SEMA3E: variants seen among roughly 807,000 people sequenced by gnomAD.
SEMA3E encodes the protein semaphorin 3E.
SEMA3E carries 49 observed loss-of-function variants against 93.6 expected under a neutral mutation model. The observed-to-expected ratio is 0.52, with a 90% confidence interval of 0.42 to 0.66. The LOEUF (loss-of-function observed/expected upper bound fraction) is 0.66, where lower values mean the gene tolerates loss of function less well. Among genes scored for constraint, SEMA3E ranks in the 30% least tolerant of loss-of-function variants. SEMA3E has a pLI of 0.00. For synonymous variants in SEMA3E, 363 were observed against 330.7 expected (o/e 1.10, Z -1.06); for missense variants, 906 against 964.8 (o/e 0.94, Z 0.81).
intron 1 of SEMA3E, among the ~76,000 whole-genome samples, chr7:83,631,708 C>T (rs144986934): frequency 0.011 from 1,606 of 152,250 alleles, 77 homozygotes; most frequent in Admixed American, 0.087. Context: ...GAGGGTTTTC[C>T]TTAACTTCAG....
At chr7:83,457,743 C>T (rs1262696734) in intron 4 of SEMA3E, among the ~76,000 whole-genome samples, 4 of 152,132 alleles carry the variant, frequency 2.6e-5, no homozygotes, top group South Asian at 2.1e-4. Context: ...CTGTTCAAAA[C>T]TCCATCGTCT....
At chr7:83,397,777 T>C (rs1202021177) in intron 11 of SEMA3E, among the ~76,000 whole-genome samples, 4 of 152,280 alleles carry the variant, frequency 2.6e-5, no homozygotes, top group South Asian at 4.1e-4. Flanking sequence ...AGAGTTTCTA[T>C]GCTATTTCAG....
At chr7:83,381,753 A>G (rs1028919075) in intron 16 of SEMA3E, among the ~76,000 whole-genome samples, 1 of 151,980 alleles carries the variant, frequency 6.6e-6, no homozygotes, top group South Asian at 2.1e-4. Flanking sequence ...TTATATCTAC[A>G]TAGGCTCAAA....
intron 1 of SEMA3E, among the ~76,000 whole-genome samples, chr7:83,583,436 T>G (rs1792555622): frequency 6.6e-6 from 1 of 152,138 alleles, no homozygotes; most frequent in Non-Finnish European, 1.5e-5. Flanking sequence ...GTATCAAAAT[T>G]AACTGTGAAT....
chr7:83,495,902 A>G (rs998341247), intron 1 of SEMA3E, among the ~76,000 whole-genome samples: 7 of 151,956 alleles, frequency 4.6e-5, no homozygotes, highest in African/African-American at 1.2e-4. Context: ...ATGAAATTAT[A>G]TAAGTAAAAG....
intron 16 of SEMA3E, chr7:83,372,930 C>G (rs867788124): frequency 2.0e-5 from 3 of 152,056 alleles, no homozygotes; most frequent in Non-Finnish European, 4.4e-5. Flanking sequence ...ACTTGGGTAC[C>G]TCCAACATCA....
intron 1 of SEMA3E, among the ~76,000 whole-genome samples, chr7:83,530,320 A>G (rs976628064): frequency 6.6e-6 from 1 of 152,242 alleles, no homozygotes; most frequent in African/African-American, 2.4e-5. Context: ...GTAGCAGAAC[A>G]TAAATCAAGT....
At chr7:83,466,454 A>T (rs1217546065) in intron 4 of SEMA3E, 28 bp downstream of exon 4, 25 of 1,612,958 alleles carry the variant, frequency 1.5e-5, no homozygotes, top group Non-Finnish European at 2.0e-5. Flanking sequence ...CATTGTTTTT[A>T]TTGACAGCAA....
intron 5 of SEMA3E, among the ~76,000 whole-genome samples, chr7:83,417,877 C>A (rs890662292): frequency 6.6e-6 from 1 of 152,020 alleles, no homozygotes; most frequent in African/African-American, 2.4e-5. Flanking sequence ...ATAGGTTGAG[C>A]GGATCAACTT....
chr7:83,583,741 G>A (rs1448063665), intron 1 of SEMA3E, among the ~76,000 whole-genome samples: 2 of 152,112 alleles, frequency 1.3e-5, no homozygotes, highest in African/African-American at 4.8e-5. Context: ...AAGAAATTTG[G>A]CTGGAGGATT....
At chr7:83,386,269 G>C (rs189878105) in intron 15 of SEMA3E, among the ~76,000 whole-genome samples, 58 of 152,172 alleles carry the variant, frequency 3.8e-4, no homozygotes, top group African/African-American at 1.3e-3. Context: ...CTGGAGCACA[G>C]TCTCTGGCTC....
chr7:83,455,748 A>G (rs1233242306), intron 4 of SEMA3E, among the ~76,000 whole-genome samples: 1 of 152,266 alleles, frequency 6.6e-6, no homozygotes, highest in African/African-American at 2.4e-5. Flanking sequence ...TAGAAGAAGT[A>G]TGCAGCCATG....
chr7:83,590,945 G>A (rs1299960862), intron 1 of SEMA3E, among the ~76,000 whole-genome samples: 1 of 151,952 alleles, frequency 6.6e-6, no homozygotes, highest in African/African-American at 2.4e-5. Context: ...AAAACATGAA[G>A]GAAAATGTTT....
chr7:83,546,176 C>T (rs945505370), intron 1 of SEMA3E, among the ~76,000 whole-genome samples: 1 of 149,076 alleles, frequency 6.7e-6, no homozygotes, highest in Non-Finnish European at 1.5e-5. Flanking sequence ...TTATCTATAC[C>T]AGTATCTTAT....
chr7:83,599,384 G>A (rs535308158), intron 1 of SEMA3E, among the ~76,000 whole-genome samples: 1 of 152,272 alleles, frequency 6.6e-6, no homozygotes, highest in African/African-American at 2.4e-5. Context: ...ATAAGACACA[G>A]GAGAGAAGTA....
intron 1 of SEMA3E, among the ~76,000 whole-genome samples, chr7:83,521,149 C>G: frequency 6.6e-6 from 1 of 151,536 alleles, no homozygotes; most frequent in East Asian, 1.9e-4. Flanking sequence ...TTTATGGGGA[C>G]CTCTGTAGGA....
chr7:83,464,883 G>A (rs1199469046), intron 4 of SEMA3E, among the ~76,000 whole-genome samples: 3 of 149,140 alleles, frequency 2.0e-5, no homozygotes, highest in East Asian at 2.0e-4. Flanking sequence ...AATTTTCGCC[G>A]CCCCAACACT....
At chr7:83,593,990 C>A (rs1429936867) in intron 1 of SEMA3E, among the ~76,000 whole-genome samples, 1 of 151,998 alleles carries the variant, frequency 6.6e-6, no homozygotes, top group Non-Finnish European at 1.5e-5. Context: ...TTTCATTTCA[C>A]ATTTGTTAAA....
At chr7:83,576,978 C>T (rs1163511798) in intron 1 of SEMA3E, among the ~76,000 whole-genome samples, 5 of 152,106 alleles carry the variant, frequency 3.3e-5, no homozygotes, top group South Asian at 2.1e-4. Context: ...TAATTTCCAT[C>T]GTGGTAATAA....
Sources: allele counts gnomAD v4.1 joint callset (sites outside exome capture counted in the v4.1 genomes callset), GRCh38; gene constraint gnomAD v4.1.1; transcripts MANE v1.5; gene names NCBI Gene and HGNC (gene_info 2026-07-23, HGNC 2026-07-21).